Variants in FXYD6 observed in about 807,000 individuals in gnomAD.
The protein encoded by FXYD6 is FXYD domain-containing ion transport regulator 6.
FXYD6 carries 7 observed loss-of-function variants against 16.7 expected under a neutral mutation model. The ratio of observed to expected loss-of-function variants is 0.42; its 90% confidence interval spans 0.24 to 0.79. The LOEUF is 0.79. FXYD6 is among the 30% of genes least tolerant of loss of function. The pLI is 0.28. For synonymous variants in FXYD6, 49 were observed against 43.0 expected (o/e 1.14, Z -0.54); for missense variants, 111 against 116.2 (o/e 0.95, Z 0.21).
At chr11:117,847,031 T>G (rs929373745) in intron 1 of FXYD6, among the ~76,000 whole-genome samples, 1 of 152,240 alleles carries the variant, frequency 6.6e-6, no homozygotes, top group East Asian at 1.9e-4. Context: ...TTGATTTGTT[T>G]AGGTCCTTTT....
chr11:117,871,115 G>A (rs2057125458), intron 1 of FXYD6, among the ~76,000 whole-genome samples: 1 of 152,126 alleles, frequency 6.6e-6, no homozygotes, highest in African/African-American at 2.4e-5. Context: ...CCAAAATGCT[G>A]TGAGGAATCA....
chr11:117,858,800 A>G (rs56394956), intron 1 of FXYD6, among the ~76,000 whole-genome samples: 132,900 of 134,640 alleles, frequency 0.99, 65,611 homozygotes, highest in Non-Finnish European at 1. Context: ...TTTTTTAGAC[A>G]GTCTCGCTCT....
chr11:117,840,353 C>G lies in FXYD6; in HGVS notation c.225G>C (p.Glu75Asp). 6.2e-7 allele frequency: 1 copy of G among 1,614,160 alleles called. No individual in the cohort carries two copies. The highest frequency in any genetic ancestry group is 8.5e-7 in the Non-Finnish European group (1 of 1,180,016). ...TGATGAGGTTCTCCACCTGGGCTTCCTCATCTCCTGGGGCCCTGCAGGAGA... is the reference window on the plus strand; with the variant it reads ...TGATGAGGTTCTCCACCTGGGCTTCGTCATCTCCTGGGGCCCTGCAGGAGA... ...FNQKPRAPGD[E>D]EAQVENLITA... Residue 75 changes from glutamate (E) to aspartate (D), a missense_variant, in exon 6 of 8, where the codon GAG (glutamate) becomes GAC (aspartate). Transcript: ENST00000526014.
intron 1 of FXYD6, among the ~76,000 whole-genome samples, chr11:117,858,482 G>T (rs1319215403): frequency 1.3e-5 from 2 of 151,956 alleles, no homozygotes; most frequent in East Asian, 3.9e-4. Context: ...TTGGAAACAG[G>T]GGTAAGGACC....
chr11:117,867,010 TACAAGAGAAATACTCCCA>T (rs773532673), intron 1 of FXYD6, among the ~76,000 whole-genome samples: 1 of 152,194 alleles, frequency 6.6e-6, no homozygotes, highest in Non-Finnish European at 1.5e-5. Flanking sequence ...ACGGCATCAC[TACAAGAGAAATACTCCCA>T]ATCCTAACAG....
At position 117,870,768 on chromosome 11, in the gene FXYD6, C is replaced by A. The variant is rs942431905; in HGVS notation, c.-6+5824G>T. On this transcript the variant is annotated intron_variant, in intron 1 of 7. Transcript: ENST00000526014. The surrounding 1 kb of genome is among the most constrained non-coding windows in gnomAD (Gnocchi z 4.2). The stretch of plus-strand genomic sequence containing the variant: ...AAACACATTATCCCCTCCCTCCCCT[C>A]AATGCATCCTCATACCCACAGAGCC... Among the ~76,000 whole-genome samples, 1 of 152,130 alleles carries A rather than the reference C, an allele frequency of 6.6e-6. No individual in the cohort carries two copies. The highest frequency in any genetic ancestry group is 6.5e-5 in the Admixed American group (1 of 15,288).
At chr11:117,867,803 C>T (rs187099785) in intron 1 of FXYD6, among the ~76,000 whole-genome samples, 1 of 151,838 alleles carries the variant, frequency 6.6e-6, no homozygotes, top group African/African-American at 2.4e-5. Flanking sequence ...AGTTCTCAAC[C>T]CTGGTTGTAC....
intron 1 of FXYD6, among the ~76,000 whole-genome samples, chr11:117,855,525 C>G (rs2056704888): frequency 6.6e-6 from 1 of 152,186 alleles, no homozygotes; most frequent in Admixed American, 6.5e-5. Context: ...CTCTGCACCT[C>G]CCACCCTCCC....
chr11:117,859,393 A>T (rs1329447571), intron 1 of FXYD6, among the ~76,000 whole-genome samples: 4 of 152,250 alleles, frequency 2.6e-5, no homozygotes, highest in African/African-American at 9.6e-5. Context: ...GTCAGCCTGC[A>T]TCATAGGAGC....
intron 1 of FXYD6, among the ~76,000 whole-genome samples, chr11:117,851,049 A>G (rs965098638): frequency 1.3e-5 from 2 of 152,210 alleles, no homozygotes; most frequent in African/African-American, 4.8e-5. Context: ...TTAAAATTCT[A>G]TAAAATAGAT....
Position 117,837,832 on chromosome 11 carries a change from C to T in FXYD6, c.*467G>A, listed in dbSNP as rs1272243043. 1.2e-4 allele frequency: 33 copies of T among 266,178 alleles called. 1 individual carries two copies. Among genetic ancestry groups the T allele is most frequent in the South Asian group, 6.2e-5 (1 of 16,118 alleles). 16.5% of individuals were successfully genotyped at this position (266,178 alleles called of 1,614,324 possible). ...GACCACTGCCCGTGCTCTTACCCTA[C>T]GCATCCCTAAATCAGGGGAGGGGGC... On this transcript the variant is annotated 3_prime_UTR_variant, in exon 8 of 8. Coordinates refer to ENST00000526014, the MANE Select transcript of FXYD6 (RefSeq NM_022003.4). This position sits in a 1 kb window ranked among gnomAD's most constrained non-coding sequence, Gnocchi z 4.4.
At chr11:117,841,421 G>A in intron 4 of FXYD6, 2 of 597,072 alleles carry the variant, frequency 3.3e-6, no homozygotes, top group South Asian at 2.0e-5. Context: ...TGAGTAAAGA[G>A]GGATCTGTGC....
intron 1 of FXYD6, among the ~76,000 whole-genome samples, chr11:117,843,251 G>A (rs1356303545): frequency 2.0e-5 from 3 of 152,172 alleles, no homozygotes; most frequent in African/African-American, 7.2e-5. Flanking sequence ...TGGACTCTTA[G>A]AGAATGCTCT....
chr11:117,873,777 G>A (rs149935936), intron 1 of FXYD6, among the ~76,000 whole-genome samples: 79 of 152,196 alleles, frequency 5.2e-4, no homozygotes, highest in African/African-American at 1.8e-3. Flanking sequence ...CGAGGCTGTC[G>A]GGAAATTTCC....
chr11:117,849,351 A>G (rs1354794328), intron 1 of FXYD6, among the ~76,000 whole-genome samples: 1 of 152,240 alleles, frequency 6.6e-6, no homozygotes, highest in African/African-American at 2.4e-5. Flanking sequence ...CCAAGGTCAC[A>G]AAACATGGTC....
At chr11:117,861,319 G>A (rs1423515401) in intron 1 of FXYD6, among the ~76,000 whole-genome samples, 1 of 152,226 alleles carries the variant, frequency 6.6e-6, no homozygotes, top group Admixed American at 6.5e-5. Context: ...GATGAAAGGA[G>A]GAGGAGTCTG....
chr11:117,846,199 GTGTT>G (rs2056462474), intron 1 of FXYD6, among the ~76,000 whole-genome samples: 7 of 152,060 alleles, frequency 4.6e-5, no homozygotes, highest in Admixed American at 4.6e-4. Flanking sequence ...TTTTTTCTCT[GTGTT>G]TATTTGTCAT....
chr11:117,862,540 G>C (rs890089624), intron 1 of FXYD6, among the ~76,000 whole-genome samples: 8 of 152,206 alleles, frequency 5.3e-5, no homozygotes, highest in African/African-American at 1.9e-4. Flanking sequence ...CTGCTGGAAA[G>C]AGACCAGGAG....
At chr11:117,858,647 CTT>C (rs1308818836) in intron 1 of FXYD6, among the ~76,000 whole-genome samples, 1 of 52,812 alleles carries the variant, frequency 1.9e-5, no homozygotes, top group Admixed American at 2.1e-4. Context: ...TTCTTTCTTT[CTT>C]TCTTTCTTTC....
Sources: gnomAD v4.1 joint callset for allele counts (sites outside exome capture counted in the v4.1 genomes callset) on GRCh38, gnomAD v4.1.1 for gene constraint, Gnocchi (gnomAD v3.1) non-coding constraint, MANE v1.5 for transcripts, NCBI Gene and HGNC (gene_info 2026-07-23, HGNC 2026-07-21) for gene names.